The following MAML1 variants were observed in gnomAD, a reference collection of about 807,000 sequenced individuals.
The protein encoded by MAML1 is mastermind-like protein 1.
MAML1 carries 14 observed loss-of-function variants against 77.1 expected under a neutral mutation model. That is an observed-to-expected ratio of 0.18 (90% CI 0.12 to 0.28). The LOEUF (loss-of-function observed/expected upper bound fraction) is 0.28. MAML1 is among the 10% of genes least tolerant of loss of function. The pLI is 1.00. For synonymous variants in MAML1, 516 were observed against 551.9 expected (o/e 0.93, Z 0.91); for missense variants, 1,217 against 1,327.8 (o/e 0.92, Z 1.30).
Position 179,769,213 on chromosome 5 carries a change from G to C in MAML1, c.1971+124G>C. 1 of 1,368,784 alleles carries C rather than the reference G, an allele frequency of 7.3e-7. No individual in the cohort carries two copies. The highest frequency in any genetic ancestry group is 1.0e-6 in the Non-Finnish European group (1 of 1,000,556). 84.8% of individuals were successfully genotyped at this position (1,368,784 alleles called of 1,614,324 possible). On this transcript the variant is annotated intron_variant, in intron 3 of 4. Transcript: ENST00000292599. The surrounding 1 kb of genome is among the most constrained non-coding windows in gnomAD (Gnocchi z 4.2). ...GCAGACTTGCGTGCCTGTTGTTAGA[G>C]TGCTTTGCCTTTTAAAAACATCTTT...
intron 4 of MAML1, chr5:179,773,625 G>C: frequency 7.3e-6 from 4 of 550,964 alleles, no homozygotes; most frequent in Non-Finnish European, 9.2e-6. Context: ...CCACAGAGCA[G>C]AAATTTGGTG....
intron 1 of MAML1, among the ~76,000 whole-genome samples, chr5:179,743,046 CTTTTT>C (rs71001043): frequency 5.7e-5 from 4 of 69,834 alleles, no homozygotes; most frequent in Non-Finnish European, 1.2e-4. Context: ...CCCCTTCACA[CTTTTT>C]TTTTTTTTTT....
intron 1 of MAML1, among the ~76,000 whole-genome samples, chr5:179,748,148 T>C (rs1185912811): frequency 1.3e-5 from 2 of 152,190 alleles, no homozygotes; most frequent in Non-Finnish European, 1.5e-5. Context: ...AGTGGTGATA[T>C]CTTGGCTCAC....
At chr5:179,767,386 GAC>G (rs1185497619) in intron 2 of MAML1, among the ~76,000 whole-genome samples, 2 of 152,156 alleles carry the variant, frequency 1.3e-5, no homozygotes, top group African/African-American at 4.8e-5. Context: ...TGAGGAAATA[GAC>G]ACACTCCTGT....
At chr5:179,745,157 G>T (rs1410244080) in intron 1 of MAML1, among the ~76,000 whole-genome samples, 2 of 151,668 alleles carry the variant, frequency 1.3e-5, no homozygotes, top group Admixed American at 6.6e-5. Flanking sequence ...CGCCTGCCTC[G>T]GCCTCCCAAA....
At chr5:179,755,877 C>CAG (rs1442163923) in intron 1 of MAML1, among the ~76,000 whole-genome samples, 16 of 151,652 alleles carry the variant, frequency 1.1e-4, no homozygotes, top group African/African-American at 3.9e-4. Flanking sequence ...CAGTTTTCCT[C>CAG]CTTCAGCCTC....
chr5:179,776,410 T>G lies in MAML1; in HGVS notation c.*1533T>G. 1 of 985,874 alleles carries G rather than the reference T, an allele frequency of 1.0e-6. No individual in the cohort carries two copies. The highest frequency in any genetic ancestry group is 1.2e-6 in the Non-Finnish European group (1 of 829,936). The allele number at this position is 985,874 out of a possible 1,614,324, so 61.1% of individuals were successfully genotyped here. A position where few individuals can be genotyped will look rare whatever the true frequency, so the allele number is the denominator to read the frequency against. ...ATTGGTAGTTATTTTGCACCAGCAG[T>G]GCCTTTCTCACTGGGGGTACTTGGA... On this transcript the variant is annotated 3_prime_UTR_variant, in exon 5 of 5. Coordinates refer to ENST00000292599, the MANE Select transcript of MAML1 (RefSeq NM_014757.5).
chr5:179,767,812 T>A (rs188230513), intron 2 of MAML1, among the ~76,000 whole-genome samples: 1 of 152,358 alleles, frequency 6.6e-6, no homozygotes, highest in Non-Finnish European at 1.5e-5. Flanking sequence ...TTAGAATGAA[T>A]AACTAGAAAG....
At chr5:179,767,420 A>G (rs1340719504) in intron 2 of MAML1, among the ~76,000 whole-genome samples, 1 of 152,182 alleles carries the variant, frequency 6.6e-6, no homozygotes, top group African/African-American at 2.4e-5. Flanking sequence ...TGTGTAAATG[A>G]GCTCACTGCT....
At position 179,765,965 on chromosome 5, in the gene MAML1, G is replaced by C; in HGVS notation, c.955G>C (p.Ala319Pro). Residue 319 changes from alanine to proline, a missense_variant, in exon 2 of 5, where the codon GCC becomes CCC. By Grantham distance (27) the Ala-to-Pro change is conservative (BLOSUM62 -1). This residue lies in a region of MAML1 where 884 missense variants were observed against 949.3 expected (regional missense o/e 0.93). Transcript: ENST00000292599. ...ACAGTTAGGCTCTCCACAAGTGAGGGCCGGGTCTGCAGGGCAGACCTTTCT... is the reference window on the plus strand; with the variant it reads ...ACAGTTAGGCTCTCCACAAGTGAGGCCCGGGTCTGCAGGGCAGACCTTTCT... ...QEQLGSPQVR[A>P]GSAGQTFLGP... 1 of 1,613,924 alleles carries C rather than the reference G, an allele frequency of 6.2e-7. No homozygotes were observed. Among genetic ancestry groups the C allele is most frequent in the Non-Finnish European group, 8.5e-7 (1 of 1,179,904 alleles).
At chr5:179,768,103 A>C (rs1465719063) in intron 2 of MAML1, among the ~76,000 whole-genome samples, 1 of 152,240 alleles carries the variant, frequency 6.6e-6, no homozygotes, top group Non-Finnish European at 1.5e-5. Context: ...ATAGCCCGAA[A>C]TCCAAGGTTT....
intron 1 of MAML1, among the ~76,000 whole-genome samples, chr5:179,758,830 C>A (rs1779673293): frequency 6.6e-6 from 1 of 152,022 alleles, no homozygotes; most frequent in Non-Finnish European, 1.5e-5. Context: ...TGGTGAAACC[C>A]CGTCTCTACT....
At position 179,770,226 on chromosome 5, in the gene MAML1, A is replaced by T. The variant is rs147320539; in HGVS notation, c.1972-921A>T. On this transcript the variant is annotated intron_variant, in intron 3 of 4. Coordinates refer to ENST00000292599, the MANE Select transcript of MAML1 (RefSeq NM_014757.5). ...CACTTTGGGAGGCCGAGGTGGGCGG[A>T]TCACGAGGTCAGGAGATCAAGACCA... Among the ~76,000 whole-genome samples the T allele has an allele frequency of 6.2e-3, 944 of 152,236 alleles. 11 individuals carry two copies. The highest frequency in any genetic ancestry group is 0.021 in the African/African-American group (877 of 41,530).
At position 179,753,216 on chromosome 5, in the gene MAML1, TGTGTGTGCGC is replaced by T. The variant is rs1330018698; in HGVS notation, c.316-12108_316-12099del. ...GTGTGTGTGTGTGTGTGTGTGTGTG[TGTGTGTGCGC>T]GCGCGCGCGCGCGTGCTGGGGTGAA... On this transcript the variant is annotated intron_variant, in intron 1 of 4. Transcript: ENST00000292599. Among the ~76,000 whole-genome samples, 278 of 79,704 alleles carry T rather than the reference TGTGTGTGCGC, an allele frequency of 3.5e-3. 1 individual carries two copies. The highest frequency in any genetic ancestry group is 0.01 in the African/African-American group (253 of 25,020). The allele number at this position is 79,704 out of a possible 152,430, so 52.3% of individuals were successfully genotyped here.
At position 179,765,383 on chromosome 5, in the gene MAML1, G is replaced by GATCAACAGAATGGCT; in HGVS notation, c.375_389dup (p.Gln126_Tyr130dup). 6.2e-7 allele frequency: 1 copy of GATCAACAGAATGGCT among 1,613,044 alleles called. No individual in the cohort carries two copies. ...CAGCGCCACTTCCCCTCAGAATGGCGATCAACAGAATGGCTACGGGGACCT... is the reference window on the plus strand; with the variant it reads ...CAGCGCCACTTCCCCTCAGAATGGCGATCAACAGAATGGCTATCAACAGAATGGCTACGGGGACCT... On this transcript the variant is annotated inframe_insertion, in exon 2 of 5. Coordinates refer to ENST00000292599, the MANE Select transcript of MAML1 (RefSeq NM_014757.5).
intron 4 of MAML1, 41 bp from the exon 5 acceptor site, chr5:179,773,854 G>A: frequency 6.4e-7 from 1 of 1,574,190 alleles, no homozygotes; most frequent in East Asian, 2.3e-5. Context: ...GGACCCAGTG[G>A]TGGTCGACTC....
In MAML1 at chr5:179,776,816, G is replaced by T. The variant is rs1258102394; in HGVS notation, c.*1939G>T. 19 of 985,838 alleles carry T rather than the reference G, an allele frequency of 1.9e-5. No homozygotes were observed. Among genetic ancestry groups the T allele is most frequent in the African/African-American group, 5.2e-5 (3 of 57,258 alleles). The allele number at this position is 985,838 out of a possible 1,614,324, so 61.1% of individuals were successfully genotyped here. The stretch of plus-strand genomic sequence containing the variant: ...CTGCAGTGTCATAGCAATAAAATGT[G>T]ATTCTTGGGGTCCCCCCAGGGAGCT... On this transcript the variant is annotated 3_prime_UTR_variant, in exon 5 of 5. Coordinates refer to ENST00000292599, the MANE Select transcript of MAML1 (RefSeq NM_014757.5).
At chr5:179,736,377 C>T (rs1042776181) in intron 1 of MAML1, among the ~76,000 whole-genome samples, 1 of 152,068 alleles carries the variant, frequency 6.6e-6, no homozygotes, top group Non-Finnish European at 1.5e-5. Context: ...CTCAGCCCCC[C>T]AAGTAGCTGG....
chr5:179,760,779 A>G (rs1168454163), intron 1 of MAML1, among the ~76,000 whole-genome samples: 4 of 152,190 alleles, frequency 2.6e-5, no homozygotes, highest in Admixed American at 1.3e-4. Flanking sequence ...GAAAAGTGGT[A>G]AAGAAAAAGG....
Sources: allele counts gnomAD v4.1 joint callset (sites outside exome capture counted in the v4.1 genomes callset), GRCh38; gene constraint gnomAD v4.1.1; regional missense constraint gnomAD v4.1.1; non-coding constraint Gnocchi (gnomAD v3.1); transcripts MANE v1.5; gene names NCBI Gene and HGNC (gene_info 2026-07-23, HGNC 2026-07-21).